The following NPTXR variants were observed in gnomAD, a reference collection of about 807,000 sequenced individuals.
NPTXR encodes neuronal pentraxin receptor.
NPTXR carries 12 observed loss-of-function variants against 32.2 expected under a neutral mutation model. The observed-to-expected ratio is 0.37, with a 90% CI of 0.24 to 0.60. The LOEUF is 0.60. NPTXR is among the 20% of genes least tolerant of loss of function. The probability of loss-of-function intolerance (pLI) is 0.66; values close to 1 mark genes in which losing one functional copy is unlikely to be tolerated. For synonymous variants in NPTXR, 323 were observed against 315.8 expected (o/e 1.02, Z -0.24); for missense variants, 612 against 682.9 (o/e 0.90, Z 1.16).
chr22:38,833,050 G>A (rs868343522), intron 1 of NPTXR, among the ~76,000 whole-genome samples: 8 of 151,842 alleles, frequency 5.3e-5, no homozygotes, highest in African/African-American at 1.5e-4. Flanking sequence ...CAGAAGGCAG[G>A]TGCAGGACTC....
intron 2 of NPTXR, 40 bp from the exon 3 acceptor site, chr22:38,826,787 C>A: frequency 6.3e-7 from 1 of 1,588,184 alleles, no homozygotes; most frequent in Non-Finnish European, 8.6e-7. Flanking sequence ...GGTCGGTGGA[C>A]ACCGAAAAGG....
chr22:38,822,713 G>A lies in NPTXR; in HGVS notation c.1399C>T (p.Pro467Ser), dbSNP rs1243821312. The change falls in exon 5 of 5, where the codon CCA becomes TCA. Residue 467 changes from proline to serine, a missense_variant. By Grantham distance (74) the Pro-to-Ser change is moderately conservative. Coordinates refer to ENST00000333039, the MANE Select transcript of NPTXR (RefSeq NM_014293.4). ...CAGGGAAGGACGTTGCCCAGCAGTG[G>A]CGCAGTGCAGTTGGCAATGCCCAGG... is the stretch of plus-strand genomic sequence containing the variant. 3 of 1,614,154 alleles carry A rather than the reference G, an allele frequency of 1.9e-6. No homozygotes were observed. The highest frequency in any genetic ancestry group is 1.1e-5 in the South Asian group (1 of 91,088).
chr22:38,839,952 A>C (rs1168842968), intron 1 of NPTXR, among the ~76,000 whole-genome samples: 1 of 152,248 alleles, frequency 6.6e-6, no homozygotes, highest in Non-Finnish European at 1.5e-5. Context: ...TAAGGACTGA[A>C]AGAGGGTTGC....
intron 1 of NPTXR, among the ~76,000 whole-genome samples, chr22:38,829,199 G>A (rs932656289): frequency 6.6e-6 from 1 of 152,202 alleles, no homozygotes; most frequent in East Asian, 1.9e-4. Context: ...AGAGTTGTGG[G>A]GAGGACTAAG....
intron 3 of NPTXR, among the ~76,000 whole-genome samples, chr22:38,824,615 G>A (rs1340477676): frequency 6.6e-6 from 1 of 152,204 alleles, no homozygotes; most frequent in African/African-American, 2.4e-5. Context: ...AATAAAAAGG[G>A]AACAGTGAGC....
Position 38,828,287 on chromosome 22 carries a change from C to T in NPTXR, c.850G>A (p.Gly284Arg), listed in dbSNP as rs972112990. 9 of 1,612,790 alleles carry T rather than the reference C, an allele frequency of 5.6e-6. No homozygotes were observed. Among genetic ancestry groups the T allele is most frequent in the East Asian group, 4.5e-5 (2 of 44,896 alleles). The stretch of plus-strand genomic sequence containing the variant: ...GCCCTCTGCAGGACCCAGGACCCAC[C>T]GTGCTCCAGCTCAGCCACACGACCC... The change falls in exon 2 of 5, where the codon GGG becomes AGG. Residue 284 changes from glycine (G) to arginine (R), a missense_variant and splice_region_variant. Physicochemically the swap from Gly to Arg is moderately radical, Grantham distance 125 (BLOSUM62 -2). Coordinates refer to ENST00000333039, the MANE Select transcript of NPTXR (RefSeq NM_014293.4).
At chr22:38,825,722 A>T (rs2093105301) in intron 3 of NPTXR, among the ~76,000 whole-genome samples, 1 of 152,034 alleles carries the variant, frequency 6.6e-6, no homozygotes. Context: ...TCTACTCTCC[A>T]TAGCGGGGAG....
At chr22:38,822,922 C>T (rs2093100491) in intron 4 of NPTXR, 89 bp from the exon 5 acceptor site, 15 of 1,434,586 alleles carry the variant, frequency 1.0e-5, no homozygotes, top group South Asian at 4.9e-5. Context: ...CTCTTGTCCC[C>T]GAGGCAGCCC....
Position 38,829,618 on chromosome 22 carries a change from T to C in NPTXR, c.625-1106A>G, listed in dbSNP as rs576216702. Among the ~76,000 whole-genome samples, 5 of 152,334 alleles carry C rather than the reference T, an allele frequency of 3.3e-5. No homozygotes were observed. In the South Asian group the frequency reaches 1.0e-3, roughly 32 times the overall value. On this transcript the variant is annotated intron_variant, in intron 1 of 4. Transcript: ENST00000333039. ...CCTCCATGGTCCCCGCTACCAGGCC[T>C]GATGCTTGCGAACTCCCCAGGGGCC...
intron 3 of NPTXR, among the ~76,000 whole-genome samples, 154 bp from the exon 4 acceptor site, chr22:38,823,416 C>G (rs752608859): frequency 3.3e-5 from 5 of 152,250 alleles, no homozygotes; most frequent in Non-Finnish European, 4.4e-5. Flanking sequence ...AGTGTCTTTC[C>G]CTGACTCCTG....
rs906626976 is a variant in NPTXR at position 38,843,118 on chromosome 22, C to T, written c.624+117G>A. On this transcript the variant is annotated intron_variant, in intron 1 of 4. Coordinates refer to ENST00000333039, the MANE Select transcript of NPTXR (RefSeq NM_014293.4). The surrounding 1 kb of genome is among the most constrained non-coding windows in gnomAD (Gnocchi z 5.3). Reference sequence around the variant, plus strand: ...CCCCCCGCCTCGCCAGCGAGGAAGGCGCGATCGTCCCCGGAACACAGACGG... The same window carrying T: ...CCCCCCGCCTCGCCAGCGAGGAAGGTGCGATCGTCCCCGGAACACAGACGG... The T allele has an allele frequency of 9.6e-7, 1 of 1,040,364 alleles. No homozygotes were observed. The highest frequency in any genetic ancestry group is 1.7e-5 in the African/African-American group (1 of 60,030). 64.4% of individuals were successfully genotyped at this position (1,040,364 alleles called of 1,614,324 possible).
intron 1 of NPTXR, among the ~76,000 whole-genome samples, chr22:38,836,438 C>T (rs1326691544): frequency 6.6e-6 from 1 of 152,252 alleles, no homozygotes; most frequent in East Asian, 1.9e-4. Context: ...CGGCAATCCT[C>T]CGTGGGTACA....
At chr22:38,830,534 G>A (rs1419341907) in intron 1 of NPTXR, among the ~76,000 whole-genome samples, 4 of 152,190 alleles carry the variant, frequency 2.6e-5, no homozygotes, top group African/African-American at 9.7e-5. Flanking sequence ...GCAGAGCTGG[G>A]ATCTGAGCCT....
intron 1 of NPTXR, among the ~76,000 whole-genome samples, chr22:38,842,050 C>A (rs962395020): frequency 7.9e-5 from 12 of 152,208 alleles, no homozygotes; most frequent in African/African-American, 2.9e-4. Context: ...GTGCTGACAC[C>A]AGTACAGACG....
intron 1 of NPTXR, among the ~76,000 whole-genome samples, chr22:38,833,093 C>T (rs545546375): frequency 5.5e-4 from 83 of 151,124 alleles, no homozygotes; most frequent in Non-Finnish European, 9.7e-4. Flanking sequence ...GCACAGCCCA[C>T]AGACTGTGCT....
chr22:38,826,702 G>A lies in NPTXR; in HGVS notation c.896C>T (p.Pro299Leu). 2 of 1,614,232 alleles carry A rather than the reference G, an allele frequency of 1.2e-6. No homozygotes were observed. Among genetic ancestry groups the A allele is most frequent in the Non-Finnish European group, 1.7e-6 (2 of 1,180,030 alleles). The change falls in exon 3 of 5, where the codon CCC (proline) becomes CTC (leucine). Residue 299 changes from proline to leucine, a missense_variant. Transcript: ENST00000333039. ...GGCGTACATGTAGTTGTTACGGATG[G>A]GGATGCTGATCTTGAAGGCATCTGG...
At position 38,832,434 on chromosome 22, in the gene NPTXR, G is replaced by GTGGGGTT. The variant is rs2093117778; in HGVS notation, c.625-3929_625-3923dup. 1.3e-5 allele frequency among the ~76,000 whole-genome samples: 2 copies of GTGGGGTT among 152,252 alleles called. 1 individual carries two copies. Among genetic ancestry groups the GTGGGGTT allele is most frequent in the South Asian group, 4.1e-4 (2 of 4,836 alleles). On this transcript the variant is annotated intron_variant, in intron 1 of 4. Transcript: ENST00000333039. ...TGGCCTGTCCCGCTGGGAGTCCGGG[G>GTGGGGTT]TGGGGTTTGGCGTAAGTGTGCTGGG...
chr22:38,843,119 G>A lies in NPTXR; in HGVS notation c.624+116C>T. 1 of 1,046,272 alleles carries A rather than the reference G, an allele frequency of 9.6e-7. No homozygotes were observed. Among genetic ancestry groups the A allele is most frequent in the Non-Finnish European group, 1.2e-6 (1 of 821,782 alleles). The allele number at this position is 1,046,272 out of a possible 1,614,324, so 64.8% of individuals were successfully genotyped here. A position where few individuals can be genotyped will look rare whatever the true frequency, so the allele number is the denominator to read the frequency against. On this transcript the variant is annotated intron_variant, in intron 1 of 4. Transcript: ENST00000333039. This position sits in a 1 kb window ranked among gnomAD's most constrained non-coding sequence, Gnocchi z 5.3. ...CCCCCGCCTCGCCAGCGAGGAAGGC[G>A]CGATCGTCCCCGGAACACAGACGGG...
rs2093101215 is a variant in NPTXR, at chr22:38,823,295, G to T, written c.1099-33C>A. The T allele has an allele frequency of 7.5e-6, 12 of 1,598,700 alleles. No individual in the cohort carries two copies. The Middle Eastern group carries it at 1.9e-3, about 255-fold the overall frequency. On this transcript the variant is annotated intron_variant, in intron 3 of 4. Transcript: ENST00000333039. ...CAGGTCCCCCAACCCCAGGTCAGAGGTGCCCCAAGGCCCAAGGCCCATGGC... is the reference window on the plus strand; with the variant it reads ...CAGGTCCCCCAACCCCAGGTCAGAGTTGCCCCAAGGCCCAAGGCCCATGGC...
Sources: allele counts gnomAD v4.1 joint callset (sites outside exome capture counted in the v4.1 genomes callset), GRCh38; gene constraint gnomAD v4.1.1; non-coding constraint Gnocchi (gnomAD v3.1); transcripts MANE v1.5; gene names NCBI Gene and HGNC (gene_info 2026-07-23, HGNC 2026-07-21).